Variants in ARHGEF3 observed in about 807,000 individuals in gnomAD.
The protein encoded by ARHGEF3 is Rho guanine nucleotide exchange factor 3.
Under a neutral mutation model 63.2 loss-of-function variants are expected in ARHGEF3, and 28 were observed. The ratio of observed to expected loss-of-function variants is 0.44; its 90% CI spans 0.33 to 0.61. ARHGEF3 has a LOEUF of 0.61. Ranked by LOEUF, ARHGEF3 falls within the 20% of genes least tolerant of loss-of-function variation. The pLI, the probability that ARHGEF3 is intolerant of heterozygous loss-of-function variation, is 0.03. For missense variants in ARHGEF3, 533 were observed against 659.3 expected (o/e 0.81, Z 2.10); for synonymous variants, 266 against 254.2 (o/e 1.05, Z -0.44).
chr3:57,057,170 A>G (rs1704980515), intron 1 of ARHGEF3, among the ~76,000 whole-genome samples: 1 of 152,138 alleles, frequency 6.6e-6, no homozygotes, highest in Non-Finnish European at 1.5e-5. Flanking sequence ...GGGGTGCAGC[A>G]GCATGATATC....
At chr3:56,751,544 G>A (rs946307618) in intron 4 of ARHGEF3, 148 bp from the exon 5 acceptor site, 1 of 670,988 alleles carries the variant, frequency 1.5e-6, no homozygotes, top group South Asian at 1.8e-5. Flanking sequence ...AAACAGCAGA[G>A]AGGTGTGGCT....
At chr3:56,993,862 A>T (rs1291930989) in intron 2 of ARHGEF3, among the ~76,000 whole-genome samples, 1 of 151,198 alleles carries the variant, frequency 6.6e-6, no homozygotes, top group African/African-American at 2.4e-5. Flanking sequence ...CAGAAGTTCA[A>T]GACCAGCCTG....
At chr3:57,069,079 C>T (rs781019527) in intron 1 of ARHGEF3, among the ~76,000 whole-genome samples, 2 of 152,040 alleles carry the variant, frequency 1.3e-5, no homozygotes, top group Non-Finnish European at 1.5e-5. Context: ...CTCACCACCA[C>T]GTCTGGATAA....
At chr3:57,055,278 C>A (rs927028715) in intron 1 of ARHGEF3, among the ~76,000 whole-genome samples, 1 of 151,340 alleles carries the variant, frequency 6.6e-6, no homozygotes, top group Non-Finnish European at 1.5e-5. Flanking sequence ...TCTCCTGCCT[C>A]AGCCTCCTGA....
At chr3:57,059,424 T>C (rs1705099758) in intron 1 of ARHGEF3, among the ~76,000 whole-genome samples, 1 of 149,338 alleles carries the variant, frequency 6.7e-6, no homozygotes, top group Non-Finnish European at 1.5e-5. Flanking sequence ...TTTATGAATT[T>C]GTATTGGGCC....
rs764422347 is a variant in ARHGEF3, at chr3:56,751,323, T to G, written c.512A>C (p.Asp171Ala). Residue 171 changes from aspartate (D) to alanine (A), a missense_variant, in exon 5 of 10, where the codon GAC becomes GCC. Asp to Ala is a moderately radical substitution (Grantham distance 126). Transcript: ENST00000296315. ...QELNQIFGTL[D>A]SLIPLHEELL... The stretch of plus-strand genomic sequence containing the variant: ...ACCTTCATGTAGAGGAATTAGAGAG[T>G]CCAGTGTTCCAAAAATTTGATTCAA... The G allele has an allele frequency of 1.9e-6, 3 of 1,613,526 alleles. No homozygotes were observed. Among genetic ancestry groups the G allele is most frequent in the Non-Finnish European group, 2.5e-6 (3 of 1,179,540 alleles).
chr3:57,071,186 AAG>A (rs1705881115), intron 1 of ARHGEF3, among the ~76,000 whole-genome samples: 1 of 152,176 alleles, frequency 6.6e-6, no homozygotes, highest in African/African-American at 2.4e-5. Context: ...GATTTTTGAC[AAG>A]AGTGTCAAAA....
chr3:56,985,263 AT>A (rs1701489225), intron 2 of ARHGEF3, among the ~76,000 whole-genome samples: 1 of 152,160 alleles, frequency 6.6e-6, no homozygotes. Context: ...TAATTTTTGT[AT>A]TTTTAGCAGA....
intron 2 of ARHGEF3, among the ~76,000 whole-genome samples, chr3:56,963,317 C>G (rs1458801786): frequency 1.2e-4 from 18 of 152,050 alleles, no homozygotes; most frequent in Admixed American, 1.2e-3. Flanking sequence ...ATGTTAGTTA[C>G]CATTATCATT....
chr3:57,052,457 C>T (rs557131682), intron 1 of ARHGEF3, among the ~76,000 whole-genome samples: 10 of 151,970 alleles, frequency 6.6e-5, no homozygotes, highest in East Asian at 1.9e-4. Flanking sequence ...CCACCATGCC[C>T]GGCTAATTTT....
intron 3 of ARHGEF3, among the ~76,000 whole-genome samples, chr3:56,896,065 A>C (rs964069687): frequency 2.0e-5 from 3 of 152,222 alleles, no homozygotes; most frequent in Admixed American, 6.5e-5. Flanking sequence ...TGGTGAGAGT[A>C]TATTAGATTC....
At chr3:56,732,996 A>C (rs980439357) in intron 8 of ARHGEF3, among the ~76,000 whole-genome samples, 6 of 151,828 alleles carry the variant, frequency 4.0e-5, no homozygotes, top group African/African-American at 1.5e-4. Flanking sequence ...AAAAATACAA[A>C]AACTAGGCCG....
intron 2 of ARHGEF3, among the ~76,000 whole-genome samples, chr3:56,760,133 T>C (rs1407943679): frequency 2.6e-5 from 4 of 152,176 alleles, no homozygotes; most frequent in African/African-American, 9.7e-5. Flanking sequence ...AAGGCAGGAA[T>C]TCCTTAAGTG....
At chr3:57,050,587 G>A (rs1704630510) in intron 1 of ARHGEF3, among the ~76,000 whole-genome samples, 1 of 152,212 alleles carries the variant, frequency 6.6e-6, no homozygotes, top group Non-Finnish European at 1.5e-5. Context: ...AAGTATAATG[G>A]TGGGGGAAAA....
intron 2 of ARHGEF3, among the ~76,000 whole-genome samples, chr3:56,969,326 G>A (rs1485290927): frequency 8.8e-6 from 1 of 114,250 alleles, no homozygotes; most frequent in Non-Finnish European, 1.9e-5. Context: ...TTCCTCTTCT[G>A]TAAAACGCTT....
At chr3:56,953,322 G>C (rs1376874480) in intron 3 of ARHGEF3, among the ~76,000 whole-genome samples, 1 of 152,164 alleles carries the variant, frequency 6.6e-6, no homozygotes, top group Non-Finnish European at 1.5e-5. Context: ...ATGAGGTTTT[G>C]GCAACTTCCT....
upstream of ARHGEF3, among the ~76,000 whole-genome samples, chr3:56,802,502 C>T (rs182295376): frequency 6.6e-6 from 1 of 152,166 alleles, no homozygotes; most frequent in East Asian, 1.9e-4. Flanking sequence ...TTAAGAGTAC[C>T]GTTTGTTGAG....
chr3:56,935,034 C>T (rs1475577885), intron 3 of ARHGEF3, among the ~76,000 whole-genome samples: 2 of 152,202 alleles, frequency 1.3e-5, no homozygotes, highest in African/African-American at 2.4e-5. Flanking sequence ...CACCAATCGA[C>T]ACTCTGTATC....
chr3:57,007,159 TAATA>T (rs775664134), intron 2 of ARHGEF3: 1 of 1,249,490 alleles, frequency 8.0e-7, no homozygotes, highest in Non-Finnish European at 1.0e-6. Flanking sequence ...CATAAAGAAT[TAATA>T]AATAAGGTGC....
Sources: gnomAD v4.1 joint callset for allele counts (sites outside exome capture counted in the v4.1 genomes callset) on GRCh38, gnomAD v4.1.1 for gene constraint, MANE v1.5 for transcripts, NCBI Gene and HGNC (gene_info 2026-07-23, HGNC 2026-07-21) for gene names.